Variants in PAX2 observed in about 807,000 individuals in gnomAD.
PAX2 encodes the protein paired box 2.
A neutral mutation model predicts 41.7 loss-of-function variants in PAX2; 9 were observed. The observed-to-expected ratio is 0.22, with a 90% CI of 0.13 to 0.38. The LOEUF (loss-of-function observed/expected upper bound fraction) is 0.38, where lower values mean the gene tolerates loss of function less well. Among genes scored for constraint, PAX2 ranks in the 10% least tolerant of loss-of-function variants. The pLI, the probability that PAX2 is intolerant of heterozygous loss-of-function variation, is 1.00. For synonymous variants in PAX2, 221 were observed against 212.7 expected (o/e 1.04, Z -0.34); for missense variants, 418 against 531.6 (o/e 0.79, Z 2.10).
intron 7 of PAX2, among the ~76,000 whole-genome samples, chr10:100,811,203 T>G (rs1847979295): frequency 6.6e-6 from 1 of 152,224 alleles, no homozygotes; most frequent in Non-Finnish European, 1.5e-5. Context: ...ATCCACTGTT[T>G]GGATTAATAG....
Position 100,828,297 on chromosome 10 carries a change from T to C in PAX2, c.*678T>C, listed in dbSNP as rs114737824. ...TTGGGGGCGTCAGGTCTTTCCAAGG[T>C]TGGGACCCAAGGATCGGGGGGCCCA... On this transcript the variant is annotated 3_prime_UTR_variant, in exon 10 of 10. Coordinates refer to ENST00000355243, the MANE Select transcript of PAX2 (RefSeq NM_000278.5). The surrounding 1 kb of genome is among the most constrained non-coding windows in gnomAD (Gnocchi z 6.5). 2.8e-3 allele frequency: 652 copies of C among 232,436 alleles called. 5 individuals are homozygous for C. Among genetic ancestry groups the C allele is most frequent in the African/African-American group, 0.013 (605 of 45,316 alleles). The allele number at this position is 232,436 out of a possible 1,614,324, so 14.4% of individuals were successfully genotyped here.
At chr10:100,736,450 C>T (rs955499215) in intron 1 of PAX2, among the ~76,000 whole-genome samples, 1 of 152,088 alleles carries the variant, frequency 6.6e-6, no homozygotes, top group South Asian at 2.1e-4. Context: ...AGCCAGGCAC[C>T]CAAGTTTAGT....
chr10:100,749,016 C>G, intron 1 of PAX2: 1 of 985,454 alleles, frequency 1.0e-6, no homozygotes, highest in Non-Finnish European at 1.2e-6. Context: ...CTGAGCGCAG[C>G]AGACCCCGGG....
rs561605902 is a variant in PAX2 at position 100,807,275 on chromosome 10, C to T, written c.792+670C>T. On this transcript the variant is annotated intron_variant, in intron 6 of 9. Coordinates refer to ENST00000355243, the MANE Select transcript of PAX2 (RefSeq NM_000278.5). Reference sequence around the variant, plus strand: ...TGCTGGTGTGCATGTGCTCACACTCCACCATCCACCTGCTCCCCTCACCCA... The same window carrying T: ...TGCTGGTGTGCATGTGCTCACACTCTACCATCCACCTGCTCCCCTCACCCA... Among the ~76,000 whole-genome samples the T allele has an allele frequency of 1.3e-3, 198 of 152,256 alleles. 1 individual carries two copies. Among genetic ancestry groups the T allele is most frequent in the African/African-American group, 4.6e-3 (193 of 41,530 alleles).
At chr10:100,783,558 G>A (rs1846720541) in intron 5 of PAX2, among the ~76,000 whole-genome samples, 1 of 152,192 alleles carries the variant, frequency 6.6e-6, no homozygotes, top group African/African-American at 2.4e-5. Flanking sequence ...AGCTTTAGCA[G>A]GGATAGAAGG....
rs187087366 is a variant in PAX2 at position 100,806,327 on chromosome 10, G to C, written c.617-103G>C. On this transcript the variant is annotated intron_variant, in intron 5 of 9. Transcript: ENST00000355243. ...GAGTAAGGGGTCCCATAGGGGTGCA[G>C]AGCTCCTGGGCCCGGAACCAGATGC... The C allele has an allele frequency of 2.8e-4, 342 of 1,217,262 alleles. 1 individual carries two copies. The African/African-American group carries it at 4.1e-3, about 15-fold the overall frequency. The allele number at this position is 1,217,262 out of a possible 1,614,324, so 75.4% of individuals were successfully genotyped here.
At chr10:100,819,717 GA>G (rs1848318109) in intron 7 of PAX2, among the ~76,000 whole-genome samples, 1 of 152,196 alleles carries the variant, frequency 6.6e-6, no homozygotes, top group Non-Finnish European at 1.5e-5. Context: ...GGCCCAAGTA[GA>G]AACACAGCTC....
rs1335364345 is a variant in PAX2 at position 100,791,133 on chromosome 10, G to T, written c.616+9768G>T. Among the ~76,000 whole-genome samples the T allele has an allele frequency of 6.6e-6, 1 of 152,172 alleles. No homozygotes were observed. The highest frequency in any genetic ancestry group is 2.4e-5 in the African/African-American group (1 of 41,444). ...TGGCTCCTAATTTGGCTGCCCCCAT[G>T]AAATGTCAGCATCCCCTCCCTCCCT... On this transcript the variant is annotated intron_variant, in intron 5 of 9. Transcript: ENST00000355243. The surrounding 1 kb of genome is among the most constrained non-coding windows in gnomAD (Gnocchi z 4.5).
In PAX2 at chr10:100,745,729, G is replaced by A. The variant is rs895519679; in HGVS notation, c.-532G>A. 3.9e-6 allele frequency: 4 copies of A among 1,023,336 alleles called. No homozygotes were observed. The African/African-American group carries it at 5.1e-5, about 13-fold the overall frequency. 63.4% of individuals were successfully genotyped at this position (1,023,336 alleles called of 1,614,324 possible). ...CCGGGGGCGGGGGCCTGGCCCGCGC[G>A]CTCCCCTCCCGCAGGCGCCACCTCG... On this transcript the variant is annotated 5_prime_UTR_variant, in exon 1 of 10. Transcript: ENST00000355243.
At chr10:100,789,546 A>G (rs1214148808) in intron 5 of PAX2, among the ~76,000 whole-genome samples, 1 of 152,218 alleles carries the variant, frequency 6.6e-6, no homozygotes, top group Non-Finnish European at 1.5e-5. Context: ...AACCAAATCT[A>G]TATGATGGTA....
rs1848476292 is a variant in PAX2, at chr10:100,824,397, A to ACACAC, written c.920-251_920-250insCACAC. On this transcript the variant is annotated intron_variant, in intron 7 of 9. Transcript: ENST00000355243. The surrounding 1 kb of genome is among the most constrained non-coding windows in gnomAD (Gnocchi z 6.6). ...ACACACACACACACACACACACACA[A>ACACAC]ATACACAGAGACACAAAGAGCTACA... 2.7e-5 allele frequency among the ~76,000 whole-genome samples: 2 copies of ACACAC among 75,420 alleles called. No homozygotes were observed. Among genetic ancestry groups the ACACAC allele is most frequent in the Admixed American group, 2.6e-4 (2 of 7,826 alleles). The allele number at this position is 75,420 out of a possible 152,430, so 49.5% of individuals were successfully genotyped here. A position where few individuals can be genotyped will look rare whatever the true frequency, so the allele number is the denominator to read the frequency against.
chr10:100,762,959 C>T (rs1334391060), intron 3 of PAX2, among the ~76,000 whole-genome samples: 3 of 152,182 alleles, frequency 2.0e-5, no homozygotes, highest in Admixed American at 2.0e-4. Flanking sequence ...TGATTGGGTA[C>T]AGTTCGGTAG....
intron 3 of PAX2, among the ~76,000 whole-genome samples, chr10:100,764,956 G>GA (rs1388461791): frequency 2.0e-5 from 3 of 152,070 alleles, no homozygotes; most frequent in Non-Finnish European, 4.4e-5. Context: ...AGAGAGGAGA[G>GA]AAAATGGAGA....
chr10:100,758,727 T>TA (rs1278713879), intron 3 of PAX2, among the ~76,000 whole-genome samples: 2 of 152,168 alleles, frequency 1.3e-5, no homozygotes, highest in East Asian at 3.9e-4. Context: ...GCTGACCGAA[T>TA]AAAACTCAAC....
upstream of PAX2, among the ~76,000 whole-genome samples, chr10:100,743,192 A>G (rs1363098203): frequency 1.3e-5 from 2 of 152,034 alleles, no homozygotes; most frequent in Non-Finnish European, 2.9e-5. Context: ...CTCAGGGGCT[A>G]CCTGGGAATG....
intron 3 of PAX2, among the ~76,000 whole-genome samples, chr10:100,767,391 T>C (rs562441493): frequency 6.6e-6 from 1 of 152,296 alleles, no homozygotes; most frequent in Non-Finnish European, 1.5e-5. Context: ...GAGAGTAAAC[T>C]GTCCCCTGAG....
chr10:100,772,483 T>A (rs1311667390), intron 3 of PAX2, among the ~76,000 whole-genome samples: 3 of 152,202 alleles, frequency 2.0e-5, no homozygotes, highest in African/African-American at 7.2e-5. Flanking sequence ...CTAGGATGAT[T>A]GAGTTTATAA....
At chr10:100,758,698 G>A (rs549130497) in intron 3 of PAX2, among the ~76,000 whole-genome samples, 30 of 152,324 alleles carry the variant, frequency 2.0e-4, no homozygotes, top group African/African-American at 6.0e-4. Context: ...CAGGAAGACC[G>A]GATTTTAAAA....
chr10:100,774,280 C>T (rs749098330), intron 3 of PAX2, among the ~76,000 whole-genome samples: 4 of 152,108 alleles, frequency 2.6e-5, no homozygotes, highest in Non-Finnish European at 4.4e-5. Flanking sequence ...GGGGGTCTTC[C>T]GGGAATTTAA....
Sources: gnomAD v4.1 joint callset for allele counts (sites outside exome capture counted in the v4.1 genomes callset) on GRCh38, gnomAD v4.1.1 for gene constraint, Gnocchi (gnomAD v3.1) non-coding constraint, MANE v1.5 for transcripts, NCBI Gene and HGNC (gene_info 2026-07-23, HGNC 2026-07-21) for gene names.